The following TYMS variants were observed in gnomAD, a reference collection of about 807,000 sequenced individuals.
The protein encoded by TYMS is thymidylate synthetase, also known as thymidylate synthase.
Under a neutral mutation model 39.3 loss-of-function variants are expected in TYMS, and 21 were observed. The observed-to-expected ratio is 0.54, with a 90% CI of 0.38 to 0.77. The LOEUF (loss-of-function observed/expected upper bound fraction) is 0.77. Among genes scored for constraint, TYMS ranks in the 30% least tolerant of loss-of-function variants. The pLI is 0.00. For missense variants in TYMS, 273 were observed against 406.7 expected, an observed-to-expected ratio of 0.67 and a Z score of 2.83; for synonymous variants, 171 against 162.2, an observed-to-expected ratio of 1.05 and a Z score of -0.41.
In TYMS at chr18:671,465, G is replaced by A. The variant is rs2075046795; in HGVS notation, c.804+14G>A. The A allele has an allele frequency of 4.4e-6, 7 of 1,586,196 alleles. No individual in the cohort carries two copies. The highest frequency in any genetic ancestry group is 4.0e-5 in the African/African-American group (3 of 74,244). Reference sequence around the variant, plus strand: ...CTGAAAATTCAGGTAAGAATTAGATGTTATACTTTTGGGTTTGGTACCTTC... The same window carrying A: ...CTGAAAATTCAGGTAAGAATTAGATATTATACTTTTGGGTTTGGTACCTTC... On this transcript the variant is annotated intron_variant, in intron 6 of 6. Transcript: ENST00000323274.
chr18:658,553 T>C lies in TYMS; in HGVS notation c.205+606T>C. Reference sequence around the variant, plus strand: ...GAGTTCGAGTATAAGTTCTTAGTCGTCCTTTCCTCTTTCCTTTCCGACAGG... The same window carrying C: ...GAGTTCGAGTATAAGTTCTTAGTCGCCCTTTCCTCTTTCCTTTCCGACAGG... On this transcript the variant is annotated intron_variant, in intron 1 of 6. Transcript: ENST00000323274. This position sits in a 1 kb window ranked among gnomAD's most constrained non-coding sequence, Gnocchi z 4.5. 1 of 282,116 alleles carries C rather than the reference T, an allele frequency of 3.5e-6. No individual in the cohort carries two copies. Among genetic ancestry groups the C allele is most frequent in the Non-Finnish European group, 6.7e-6 (1 of 148,422 alleles). The allele number at this position is 282,116 out of a possible 1,614,324, so 17.5% of individuals were successfully genotyped here.
chr18:667,564 G>GCGA, intron 3 of TYMS, among the ~76,000 whole-genome samples: 1 of 92,398 alleles, frequency 1.1e-5, no homozygotes, highest in African/African-American at 7.2e-5. Context: ...GATGGTGATG[G>GCGA]TGATGGAGAT....
intron 5 of TYMS, 118 bp downstream of exon 5, chr18:670,985 G>A (rs1172388961): frequency 1.4e-5 from 18 of 1,269,542 alleles, no homozygotes; most frequent in Non-Finnish European, 1.5e-5. Flanking sequence ...TTTGATATGT[G>A]TAAGTAAGAA....
rs1169495660 is a variant in TYMS, at chr18:666,945, TGATGGTGATGGA to T, written c.455-2121_455-2110del. On this transcript the variant is annotated intron_variant, in intron 3 of 6. Transcript: ENST00000323274. ...GAGATGGTGATGGTGATGGAGATGG[TGATGGTGATGGA>T]GATGGAGATGGTGATGGAGATGGAG... is the stretch of plus-strand genomic sequence containing the variant. Among the ~76,000 whole-genome samples the T allele has an allele frequency of 2.0e-3, 57 of 28,024 alleles. 11 individuals are homozygous for T. Among genetic ancestry groups the T allele is most frequent in the South Asian group, 0.015 (10 of 668 alleles). The allele number at this position is 28,024 out of a possible 152,430, so 18.4% of individuals were successfully genotyped here. A position where few individuals can be genotyped will look rare whatever the true frequency, so the allele number is the denominator to read the frequency against.
At chr18:671,478 G>A in intron 6 of TYMS, 27 bp downstream of exon 6, 1 of 1,453,672 alleles carries the variant, frequency 6.9e-7, no homozygotes, top group Middle Eastern at 1.7e-4. Context: ...ATACTTTTGG[G>A]TTTGGTACCT....
chr18:669,432 G>A, intron 4 of TYMS: 1 of 334,264 alleles, frequency 3.0e-6, no homozygotes. Context: ...GAATGCAACG[G>A]CGTGATCTTG....
In TYMS at chr18:658,346, C is replaced by A; in HGVS notation, c.205+399C>A. The A allele has an allele frequency of 2.3e-6, 3 of 1,321,448 alleles. No individual in the cohort carries two copies. The highest frequency in any genetic ancestry group is 3.0e-6 in the Non-Finnish European group (3 of 1,008,406). 81.9% of individuals were successfully genotyped at this position (1,321,448 alleles called of 1,614,324 possible). A position where few individuals can be genotyped will look rare whatever the true frequency, so the allele number is the denominator to read the frequency against. On this transcript the variant is annotated intron_variant, in intron 1 of 6. Transcript: ENST00000323274. The surrounding 1 kb of genome is among the most constrained non-coding windows in gnomAD (Gnocchi z 4.5). ...CTGGCTTTGGCCCCTCCTCCGTTTT[C>A]CCCTGTGGACCATTCCGCTTCGCAG...
chr18:672,695 C>T (rs1274161680), intron 6 of TYMS, 165 bp from the exon 7 acceptor site: 4 of 637,714 alleles, frequency 6.3e-6, no homozygotes, highest in African/African-American at 3.6e-5. Flanking sequence ...CAGCTGGTTG[C>T]GCTCCAATCA....
At chr18:662,504 CT>C (rs11411741) in intron 3 of TYMS, among the ~76,000 whole-genome samples, 184 bp downstream of exon 3, 6,771 of 134,596 alleles carry the variant, frequency 0.05, 502 homozygotes, top group African/African-American at 0.17. Flanking sequence ...GTTTCACACT[CT>C]TTTTTTTTTT....
Position 666,895 on chromosome 18 carries a change from GGT to G in TYMS, c.455-2175_455-2174del, listed in dbSNP as rs1567989250. 1.3e-3 allele frequency among the ~76,000 whole-genome samples: 66 copies of G among 49,048 alleles called. 7 individuals carry two copies. The highest frequency in any genetic ancestry group is 5.0e-3 in the African/African-American group (48 of 9,676). The allele number at this position is 49,048 out of a possible 152,430, so 32.2% of individuals were successfully genotyped here. A position where few individuals can be genotyped will look rare whatever the true frequency, so the allele number is the denominator to read the frequency against. ...GGGATGACGAAAAAGTTCGGGAGAT[GGT>G]GATGGAGATGGTGATGGTGATGGAG... On this transcript the variant is annotated intron_variant, in intron 3 of 6. Coordinates refer to ENST00000323274, the MANE Select transcript of TYMS (RefSeq NM_001071.4).
Position 673,358 on chromosome 18 carries a change from A to G in TYMS, c.*361A>G, listed in dbSNP as rs2075156928. 2 of 228,158 alleles carry G rather than the reference A, an allele frequency of 8.8e-6. No individual in the cohort carries two copies. The highest frequency in any genetic ancestry group is 2.2e-5 in the African/African-American group (1 of 44,722). The allele number at this position is 228,158 out of a possible 1,614,324, so 14.1% of individuals were successfully genotyped here. A position where few individuals can be genotyped will look rare whatever the true frequency, so the allele number is the denominator to read the frequency against. ...GCTATTTTTGGAATATTTTTAGAAT[A>G]TTTTAAGAATTTCACAAGCTATTCC... On this transcript the variant is annotated 3_prime_UTR_variant, in exon 7 of 7. Transcript: ENST00000323274.
At position 658,612 on chromosome 18, in the gene TYMS, T is replaced by G; in HGVS notation, c.205+665T>G. On this transcript the variant is annotated intron_variant, in intron 1 of 6. Transcript: ENST00000323274. The surrounding 1 kb of genome is among the most constrained non-coding windows in gnomAD (Gnocchi z 4.5). ...AGGCAAAAAATGTCTCGCGGGTCAT[T>G]GGCGCCAGGCTTTCAGGGGACAGTG... is the stretch of plus-strand genomic sequence containing the variant. The G allele has an allele frequency of 4.9e-4, 78 of 159,306 alleles. No individual in the cohort carries two copies. The highest frequency in any genetic ancestry group is 2.5e-3 in the Middle Eastern group (1 of 400). 9.9% of individuals were successfully genotyped at this position (159,306 alleles called of 1,614,324 possible).
chr18:669,136 C>T lies in TYMS; in HGVS notation c.519C>T (p.Asp173=), dbSNP rs770269195. 4.8e-5 allele frequency: 77 copies of T among 1,614,030 alleles called. 1 individual carries two copies. The highest frequency in any genetic ancestry group is 3.3e-4 in the Middle Eastern group (2 of 6,084). Residue 173 remains aspartate, a synonymous_variant, in exon 4 of 7, where the codon GAC becomes GAT. Transcript: ENST00000323274. ...TTGACACCATCAAAACCAACCCTGA[C>T]GACAGAAGAATCATCATGTGCGCTT... ...RVIDTIKTNP[D]DRRIIMCAWN...
At chr18:671,078 G>A in intron 5 of TYMS, 1 of 639,544 alleles carries the variant, frequency 1.6e-6, no homozygotes, top group Non-Finnish European at 2.7e-6. Flanking sequence ...ATCTATACAG[G>A]TTGTTTGTGA....
Position 673,157 on chromosome 18 carries a change from T to TG in TYMS, c.*161dup. The TG allele has an allele frequency of 1.4e-6, 1 of 711,106 alleles. No homozygotes were observed. Among genetic ancestry groups the TG allele is most frequent in the Non-Finnish European group, 2.1e-6 (1 of 467,140 alleles). The allele number at this position is 711,106 out of a possible 1,614,324, so 44.0% of individuals were successfully genotyped here. A position where few individuals can be genotyped will look rare whatever the true frequency, so the allele number is the denominator to read the frequency against. ...TTTTAAGGATGTTGCCACTGGCAAATGTAACTGTGCCAGTTCTTTCCATAA... is the reference window on the plus strand; with the variant it reads ...TTTTAAGGATGTTGCCACTGGCAAATGGTAACTGTGCCAGTTCTTTCCATAA... On this transcript the variant is annotated 3_prime_UTR_variant, in exon 7 of 7. Transcript: ENST00000323274.
intron 4 of TYMS, 190 bp from the exon 5 acceptor site, chr18:670,502 C>T (rs1267323730): frequency 3.5e-5 from 21 of 596,824 alleles, no homozygotes; most frequent in African/African-American, 1.7e-4. Flanking sequence ...AACCTTGCAC[C>T]GATGGATAGT....
intron 2 of TYMS, among the ~76,000 whole-genome samples, chr18:661,349 A>G (rs2144262857): frequency 6.6e-6 from 1 of 152,306 alleles, no homozygotes; most frequent in South Asian, 2.1e-4. Flanking sequence ...AGTTGGAGTT[A>G]CTCCATTGGT....
At chr18:667,148 GT>G (rs1408874726) in intron 3 of TYMS, among the ~76,000 whole-genome samples, 2 of 99,768 alleles carry the variant, frequency 2.0e-5, no homozygotes, top group Non-Finnish European at 3.9e-5. Flanking sequence ...GATGGTGATG[GT>G]GATGGTGATG....
At position 658,323 on chromosome 18, in the gene TYMS, G is replaced by T; in HGVS notation, c.205+376G>T. Reference sequence around the variant, plus strand: ...GACCGCGCGCCGGTCTCAAAGTCCTGGCTTTGGCCCCTCCTCCGTTTTCCC... The same window carrying T: ...GACCGCGCGCCGGTCTCAAAGTCCTTGCTTTGGCCCCTCCTCCGTTTTCCC... On this transcript the variant is annotated intron_variant, in intron 1 of 6. Transcript: ENST00000323274. This position sits in a 1 kb window ranked among gnomAD's most constrained non-coding sequence, Gnocchi z 4.5. 1 of 1,366,100 alleles carries T rather than the reference G, an allele frequency of 7.3e-7. No homozygotes were observed. The highest frequency in any genetic ancestry group is 9.7e-7 in the Non-Finnish European group (1 of 1,030,868). 84.6% of individuals were successfully genotyped at this position (1,366,100 alleles called of 1,614,324 possible). A position where few individuals can be genotyped will look rare whatever the true frequency, so the allele number is the denominator to read the frequency against.
Sources: allele counts gnomAD v4.1 joint callset (sites outside exome capture counted in the v4.1 genomes callset), GRCh38; gene constraint gnomAD v4.1.1; non-coding constraint Gnocchi (gnomAD v3.1); transcripts MANE v1.5; gene names NCBI Gene and HGNC (gene_info 2026-07-23, HGNC 2026-07-21).